The following TP63 variants were observed in gnomAD, a reference collection of about 807,000 sequenced individuals.
TP63 encodes tumor protein 63.
A neutral mutation model predicts 82.8 loss-of-function variants in TP63; 17 were observed. The ratio of observed to expected loss-of-function variants is 0.21; its 90% CI spans 0.14 to 0.31. The LOEUF (loss-of-function observed/expected upper bound fraction) is 0.31. TP63 is among the 10% of genes least tolerant of loss of function. TP63 has a pLI of 1.00. For synonymous variants in TP63, 330 were observed against 321.7 expected, an observed-to-expected ratio of 1.03 and a Z score of -0.28; for missense variants, 648 against 895.3, an observed-to-expected ratio of 0.72 and a Z score of 3.52.
chr3:189,676,820 C>G (rs939849069), intron 1 of TP63, among the ~76,000 whole-genome samples: 1 of 152,026 alleles, frequency 6.6e-6, no homozygotes, highest in African/African-American at 2.4e-5. Context: ...TAACTAATTC[C>G]TGACGATCTG....
At position 189,886,449 on chromosome 3, in the gene TP63, A is replaced by G; in HGVS notation, c.1405A>G (p.Met469Val). The G allele has an allele frequency of 3.1e-6, 5 of 1,614,128 alleles. No homozygotes were observed. Among genetic ancestry groups the G allele is most frequent in the Non-Finnish European group, 4.2e-6 (5 of 1,180,022 alleles). The change falls in exon 11 of 14, where the codon ATG becomes GTG. Residue 469 changes from methionine to valine, a missense_variant. Physicochemically the swap from Met to Val is conservative, Grantham distance 21. Coordinates refer to ENST00000264731, the MANE Select transcript of TP63 (RefSeq NM_003722.5). ...TAACAGCTCCCCACCTCTGAACAAA[A>G]TGAACAGCATGAACAAGCTGCCTTC... is the stretch of plus-strand genomic sequence containing the variant. ...YGNSSPPLNKMNSMNKLPSVS... is the reference protein window; with the variant it reads ...YGNSSPPLNKVNSMNKLPSVS...
intron 1 of TP63, among the ~76,000 whole-genome samples, chr3:189,676,383 A>G (rs1053118904): frequency 7.9e-5 from 12 of 152,036 alleles, no homozygotes; most frequent in African/African-American, 2.9e-4. Context: ...CATTTTTTAG[A>G]TTCCATATGT....
At chr3:189,730,481 G>A (rs993085510) in intron 1 of TP63, among the ~76,000 whole-genome samples, 3 of 152,234 alleles carry the variant, frequency 2.0e-5, no homozygotes, top group Middle Eastern at 3.4e-3. Context: ...CAAGTTTTGT[G>A]GTGAATGAAA....
At chr3:189,875,593 C>CATATATATATATAT (rs774764336) in intron 10 of TP63, among the ~76,000 whole-genome samples, 18 of 40,752 alleles carry the variant, frequency 4.4e-4, no homozygotes, top group Admixed American at 7.4e-4. Context: ...AAAATACATA[C>CATATATATATATAT]ATATATATAT....
rs559450567 is a variant in TP63 at position 189,876,958 on chromosome 3, A to G, written c.1349+3963A>G. Among the ~76,000 whole-genome samples, 3 of 152,310 alleles carry G rather than the reference A, an allele frequency of 2.0e-5. No homozygotes were observed. In the South Asian group the frequency reaches 6.2e-4, roughly 32 times the overall value. Reference sequence around the variant, plus strand: ...TTTTCTTTATAGTAGAGGGAAAATTAGTGGGAAGAGAACGTACTTTCTGTA... The same window carrying G: ...TTTTCTTTATAGTAGAGGGAAAATTGGTGGGAAGAGAACGTACTTTCTGTA... On this transcript the variant is annotated intron_variant, in intron 10 of 13. Coordinates refer to ENST00000264731, the MANE Select transcript of TP63 (RefSeq NM_003722.5).
At chr3:189,631,384 A>G, upstream of TP63, 1 of 1,545,202 alleles carries the variant, frequency 6.5e-7, no homozygotes, top group Middle Eastern at 1.8e-4. Context: ...GAAGTGCCTA[A>G]ACTTCTATGT....
intron 3 of TP63, among the ~76,000 whole-genome samples, chr3:189,797,960 A>T (rs1049812111): frequency 3.9e-5 from 6 of 151,978 alleles, no homozygotes; most frequent in Non-Finnish European, 8.8e-5. Flanking sequence ...TAACACTTCC[A>T]TCCTCTGAAC....
chr3:189,624,359 A>C, the TP63 span, among the ~76,000 whole-genome samples: 1 of 152,172 alleles, frequency 6.6e-6, no homozygotes, highest in Non-Finnish European at 1.5e-5. Flanking sequence ...TTAATGTTAT[A>C]AGTATTTCAC....
chr3:189,862,527 T>C (rs2108791940), intron 4 of TP63, among the ~76,000 whole-genome samples: 1 of 152,350 alleles, frequency 6.6e-6, no homozygotes, highest in East Asian at 1.9e-4. Context: ...AATCTTTACA[T>C]ACTTGGAAGG....
intron 3 of TP63, among the ~76,000 whole-genome samples, chr3:189,766,891 C>G (rs1027998379): frequency 6.6e-6 from 1 of 152,148 alleles, no homozygotes; most frequent in Non-Finnish European, 1.5e-5. Context: ...TTTGGAGTGA[C>G]AGGGATTAAA....
At chr3:189,707,202 A>C (rs1248310731) in intron 1 of TP63, among the ~76,000 whole-genome samples, 2 of 152,182 alleles carry the variant, frequency 1.3e-5, no homozygotes, top group East Asian at 1.9e-4. Flanking sequence ...CAAATTAAAC[A>C]TTTCTATTTT....
chr3:189,720,120 AT>A (rs1042721019), intron 1 of TP63, among the ~76,000 whole-genome samples: 16 of 151,890 alleles, frequency 1.1e-4, no homozygotes, highest in Non-Finnish European at 2.4e-4. Context: ...CAAGGTTTTC[AT>A]TTTTTCCACG....
the TP63 span, among the ~76,000 whole-genome samples, chr3:189,599,081 A>G: frequency 2.4e-3 from 360 of 152,158 alleles, 3 homozygotes; most frequent in African/African-American, 8.3e-3. Context: ...CCTTTTTTTC[A>G]TGTTTTCACT....
chr3:189,840,060 G>A (rs137855049), intron 4 of TP63, among the ~76,000 whole-genome samples: 73 of 152,274 alleles, frequency 4.8e-4, no homozygotes, highest in African/African-American at 1.7e-3. Context: ...AGAACTTAGC[G>A]AAGTGCCTAG....
intron 1 of TP63, among the ~76,000 whole-genome samples, chr3:189,694,634 A>C (rs886435933): frequency 1.1e-4 from 16 of 151,916 alleles, no homozygotes; most frequent in Admixed American, 6.6e-5. Flanking sequence ...AACACATTAT[A>C]TTAAGGGTAC....
chr3:189,713,728 G>A (rs181518544), intron 1 of TP63, among the ~76,000 whole-genome samples: 3 of 152,084 alleles, frequency 2.0e-5, no homozygotes, highest in Admixed American at 2.0e-4. Flanking sequence ...TGTATATTCT[G>A]TGAATAACTT....
chr3:189,832,907 T>C (rs1712575945), intron 4 of TP63, among the ~76,000 whole-genome samples: 1 of 152,364 alleles, frequency 6.6e-6, no homozygotes, highest in Non-Finnish European at 1.5e-5. Context: ...CACTTCCTAC[T>C]AGTATTCTGA....
the TP63 span, among the ~76,000 whole-genome samples, chr3:189,597,901 C>G: frequency 6.7e-6 from 1 of 148,862 alleles, no homozygotes; most frequent in African/African-American, 2.5e-5. Context: ...TATACTTCAG[C>G]TTAGGCAATA....
At chr3:189,689,261 A>G (rs1716720525) in intron 1 of TP63, among the ~76,000 whole-genome samples, 1 of 151,526 alleles carries the variant, frequency 6.6e-6, no homozygotes. Flanking sequence ...GATTACAGGC[A>G]CGTGCCACAC....
Sources: gnomAD v4.1 joint callset for allele counts (sites outside exome capture counted in the v4.1 genomes callset) on GRCh38, gnomAD v4.1.1 for gene constraint, MANE v1.5 for transcripts, NCBI Gene and HGNC (gene_info 2026-07-23, HGNC 2026-07-21) for gene names.